The following PSMD11 variants were observed in gnomAD, a reference collection of about 807,000 sequenced individuals.
The protein encoded by PSMD11 is 26S proteasome non-ATPase regulatory subunit 11.
Under a neutral mutation model 62.3 loss-of-function variants are expected in PSMD11, and 5 were observed. The observed-to-expected ratio is 0.08, with a 90% confidence interval of 0.04 to 0.17. The LOEUF (loss-of-function observed/expected upper bound fraction) is 0.17, where lower values mean the gene tolerates loss of function less well. Ranked by LOEUF, PSMD11 falls within the 10% of genes least tolerant of loss-of-function variation. The probability of loss-of-function intolerance (pLI) is 1.00; values close to 1 mark genes in which losing one functional copy is unlikely to be tolerated. For missense variants in PSMD11, 310 were observed against 512.9 expected, an observed-to-expected ratio of 0.60 and a Z score of 3.82; for synonymous variants, 191 against 191.8, an observed-to-expected ratio of 1.00 and a Z score of 0.03.
chr17:32,476,243 G>T (rs549083343), intron 8 of PSMD11, among the ~76,000 whole-genome samples: 1 of 152,166 alleles, frequency 6.6e-6, no homozygotes, highest in South Asian at 2.1e-4. Context: ...CTCTAACCTG[G>T]GCGACAGAGT....
At chr17:32,457,245 G>A (rs530636190) in intron 3 of PSMD11, among the ~76,000 whole-genome samples, 2 of 151,956 alleles carry the variant, frequency 1.3e-5, no homozygotes, top group African/African-American at 4.8e-5. Flanking sequence ...GGCTGTTTTT[G>A]TTTTCGTTTT....
At chr17:32,450,116 A>G (rs1405202510) in intron 2 of PSMD11, among the ~76,000 whole-genome samples, 1 of 151,538 alleles carries the variant, frequency 6.6e-6, no homozygotes, top group East Asian at 1.9e-4. Flanking sequence ...GCCCACCACC[A>G]CCCCCGGTTA....
intron 2 of PSMD11, among the ~76,000 whole-genome samples, chr17:32,450,186 C>G (rs1277663023): frequency 1.3e-5 from 2 of 151,746 alleles, no homozygotes; most frequent in African/African-American, 4.8e-5. Flanking sequence ...ATCTTGGGCT[C>G]CTGACCTCAA....
intron 7 of PSMD11, 120 bp from the exon 8 acceptor site, chr17:32,474,644 G>T: frequency 1.0e-6 from 1 of 973,094 alleles, no homozygotes; most frequent in Non-Finnish European, 1.6e-6. Flanking sequence ...GGGTTGGGCT[G>T]ATTGTCTGTG....
intron 3 of PSMD11, among the ~76,000 whole-genome samples, chr17:32,456,219 A>C (rs1016676990): frequency 1.9e-4 from 29 of 152,060 alleles, no homozygotes; most frequent in Middle Eastern, 6.8e-3. Flanking sequence ...AAATAGACTG[A>C]TCAGTAAATG....
intron 2 of PSMD11, among the ~76,000 whole-genome samples, chr17:32,448,430 C>T (rs1231995917): frequency 1.3e-5 from 2 of 151,524 alleles, no homozygotes; most frequent in Non-Finnish European, 2.9e-5. Context: ...GCAAATGGTG[C>T]GATCTCGGCT....
At chr17:32,479,921 G>A (rs1302368570) in intron 11 of PSMD11, 35 bp downstream of exon 11, 11 of 1,604,222 alleles carry the variant, frequency 6.9e-6, no homozygotes, top group South Asian at 5.5e-5. Context: ...AGGGAGGAAT[G>A]GGACGGGGTG....
chr17:32,461,933 T>A (rs1907857504), intron 3 of PSMD11, among the ~76,000 whole-genome samples: 1 of 152,170 alleles, frequency 6.6e-6, no homozygotes, highest in Non-Finnish European at 1.5e-5. Context: ...AATGAGGAGT[T>A]ACAAAGGTTT....
At chr17:32,450,422 ATT>A (rs58292122) in intron 2 of PSMD11, among the ~76,000 whole-genome samples, 5 of 129,524 alleles carry the variant, frequency 3.9e-5, no homozygotes, top group East Asian at 2.1e-4. Context: ...TGCTCGGCTA[ATT>A]TTTTTTTTTT....
intron 5 of PSMD11, 46 bp from the exon 6 acceptor site, chr17:32,468,953 G>A (rs772552605): frequency 1.3e-6 from 2 of 1,551,688 alleles, no homozygotes; most frequent in South Asian, 1.2e-5. Context: ...CTATTATTAG[G>A]TATTAAGCTG....
chr17:32,470,933 G>C (rs995275335), intron 6 of PSMD11, among the ~76,000 whole-genome samples: 1 of 152,184 alleles, frequency 6.6e-6, no homozygotes, highest in Non-Finnish European at 1.5e-5. Flanking sequence ...AAAGTGGGAG[G>C]TTTTTTGAGT....
chr17:32,453,123 G>C (rs527306853), intron 2 of PSMD11, among the ~76,000 whole-genome samples: 1 of 152,304 alleles, frequency 6.6e-6, no homozygotes, highest in Admixed American at 6.5e-5. Flanking sequence ...GAATTGTTCA[G>C]GCACAGGAGG....
At chr17:32,458,396 T>C (rs1208097931) in intron 3 of PSMD11, among the ~76,000 whole-genome samples, 2 of 152,238 alleles carry the variant, frequency 1.3e-5, no homozygotes, top group African/African-American at 4.8e-5. Context: ...CCTGGCTGTT[T>C]GCTGAACAAG....
chr17:32,463,836 CAT>C (rs2150834427), intron 3 of PSMD11, among the ~76,000 whole-genome samples: 1 of 152,228 alleles, frequency 6.6e-6, no homozygotes, highest in African/African-American at 2.4e-5. Flanking sequence ...TCCTAAAAAA[CAT>C]AATCTAAGCA....
intron 13 of PSMD11, 46 bp downstream of exon 13, chr17:32,480,677 T>A: frequency 6.2e-7 from 1 of 1,604,756 alleles, no homozygotes. Context: ...CTCTGTCTTC[T>A]GCGTGTCGAG....
At chr17:32,473,996 C>A in intron 7 of PSMD11, 51 bp downstream of exon 7, 1 of 1,600,980 alleles carries the variant, frequency 6.2e-7, no homozygotes, top group South Asian at 1.1e-5. Flanking sequence ...TTCAGCAAGT[C>A]TGTTTGCCAT....
chr17:32,449,584 TTG>T (rs1907430417), intron 2 of PSMD11, among the ~76,000 whole-genome samples: 1 of 152,216 alleles, frequency 6.6e-6, no homozygotes, highest in Non-Finnish European at 1.5e-5. Flanking sequence ...CCTTCCTGCC[TTG>T]TGACCTGAGA....
intron 2 of PSMD11, among the ~76,000 whole-genome samples, chr17:32,450,345 C>T (rs1409090533): frequency 1.3e-5 from 2 of 150,204 alleles, no homozygotes; most frequent in East Asian, 2.0e-4. Flanking sequence ...ACTTCTGCCT[C>T]CTGGGTTCAA....
rs760371484 is a variant in PSMD11 at position 32,477,559 on chromosome 17, C to T, written c.888C>T (p.Asn296=). The change falls in exon 9 of 14, where the codon AAC becomes AAT. Residue 296 remains asparagine, a synonymous_variant. Coordinates refer to ENST00000261712, the MANE Select transcript of PSMD11 (RefSeq NM_002815.4). ...AATGCGTGGCTCAGGCTAGCAAGAA[C>T]AGATCACTGGCAGATTTTGAAAAGG... ...ALKCVAQASK[N]RSLADFEKAL... is the part of the protein sequence containing the mutation. The T allele has an allele frequency of 9.9e-6, 16 of 1,610,900 alleles. No individual in the cohort carries two copies. The highest frequency in any genetic ancestry group is 1.4e-5 in the Non-Finnish European group (16 of 1,178,544).
Sources: allele counts gnomAD v4.1 joint callset (sites outside exome capture counted in the v4.1 genomes callset), GRCh38; gene constraint gnomAD v4.1.1; transcripts MANE v1.5; gene names NCBI Gene and HGNC (gene_info 2026-07-23, HGNC 2026-07-21).